The following NGEF variants were observed in gnomAD, a reference collection of about 807,000 sequenced individuals.
NGEF encodes ephexin-1.
Under a neutral mutation model 80.9 loss-of-function variants are expected in NGEF, and 31 were observed. The observed-to-expected ratio is 0.38, with a 90% CI of 0.29 to 0.52. The LOEUF is 0.52. NGEF is among the 20% of genes least tolerant of loss of function. The pLI, the probability that NGEF is intolerant of heterozygous loss-of-function variation, is 0.84. For synonymous variants in NGEF, 371 were observed against 370.2 expected (o/e 1.00, Z -0.03); for missense variants, 709 against 926.2 (o/e 0.77, Z 3.04).
intron 8 of NGEF, among the ~76,000 whole-genome samples, 195 bp downstream of exon 8, chr2:232,891,163 C>G (rs551120407): frequency 6.6e-5 from 10 of 152,368 alleles, no homozygotes; most frequent in Admixed American, 5.9e-4. Context: ...GTGCATGGTT[C>G]GGTCTCTCCC....
At chr2:232,983,348 T>G (rs1574653062) in intron 1 of NGEF, among the ~76,000 whole-genome samples, 1 of 150,444 alleles carries the variant, frequency 6.6e-6, no homozygotes, top group East Asian at 2.0e-4. Context: ...CCCCGAGCGG[T>G]GAGGGAAGGA....
chr2:232,954,874 G>C (rs973403803), intron 3 of NGEF, among the ~76,000 whole-genome samples: 5 of 152,088 alleles, frequency 3.3e-5, no homozygotes, highest in African/African-American at 1.2e-4. Flanking sequence ...AGTGTGGGTG[G>C]GGGAACAGCA....
At chr2:232,899,893 C>CACTT (rs1491432526) in intron 5 of NGEF, among the ~76,000 whole-genome samples, 48 of 138,708 alleles carry the variant, frequency 3.5e-4, no homozygotes, top group African/African-American at 1.2e-3. Flanking sequence ...CACTCACATT[C>CACTT]ACACACATGC....
At chr2:232,962,643 G>A (rs907797582) in intron 3 of NGEF, among the ~76,000 whole-genome samples, 1 of 151,772 alleles carries the variant, frequency 6.6e-6, no homozygotes, top group Non-Finnish European at 1.5e-5. Context: ...AAAAATGATT[G>A]AAAAATGAAA....
chr2:232,995,596 G>GTATGTATAC (rs1694818954), intron 1 of NGEF, among the ~76,000 whole-genome samples: 1 of 34,786 alleles, frequency 2.9e-5, no homozygotes, highest in Non-Finnish European at 6.9e-5. Context: ...TATGTATACT[G>GTATGTATAC]TATATATATA....
intron 1 of NGEF, among the ~76,000 whole-genome samples, chr2:232,977,133 C>T (rs529676382): frequency 3.9e-5 from 6 of 152,188 alleles, no homozygotes; most frequent in East Asian, 1.9e-4. Flanking sequence ...GCAATAAGAG[C>T]GAAACCGTTC....
In NGEF at chr2:232,932,165, T is replaced by TTC. The variant is rs201162734; in HGVS notation, c.384-4980_384-4979insGA. On this transcript the variant is annotated intron_variant, in intron 3 of 14. Transcript: ENST00000264051. ...GAGTTCTCTCCAGAATCACCTTTCT[T>TTC]TTTTTTTTTTTTTTTTTGAGACAGA... Among the ~76,000 whole-genome samples, 28 of 142,744 alleles carry TTC rather than the reference T, an allele frequency of 2.0e-4. No individual in the cohort carries two copies. The East Asian group carries it at 4.8e-3, about 25-fold the overall frequency. 93.6% of individuals were successfully genotyped at this position (142,744 alleles called of 152,430 possible).
chr2:232,976,116 G>T (rs1045225873), intron 1 of NGEF, among the ~76,000 whole-genome samples: 1 of 152,084 alleles, frequency 6.6e-6, no homozygotes, highest in Non-Finnish European at 1.5e-5. Flanking sequence ...CAGGAGAATC[G>T]CTTGAATCTG....
chr2:232,907,188 G>GAAAAAAAAAAAAAAAAA (rs10654316), intron 5 of NGEF, among the ~76,000 whole-genome samples: 17 of 113,086 alleles, frequency 1.5e-4, no homozygotes, highest in Non-Finnish European at 2.1e-4. Flanking sequence ...AGAAAAAAAA[G>GAAAAAAAAAAAAAAAAA]AAAAAAAAAA....
intron 1 of NGEF, among the ~76,000 whole-genome samples, chr2:232,994,346 G>A (rs1432273627): frequency 6.8e-6 from 1 of 146,864 alleles, no homozygotes; most frequent in Non-Finnish European, 1.5e-5. Flanking sequence ...CTTCAGCCTG[G>A]GTAACGGAGC....
intron 1 of NGEF, among the ~76,000 whole-genome samples, chr2:232,982,149 C>T (rs953292984): frequency 1.3e-5 from 2 of 152,122 alleles, no homozygotes; most frequent in African/African-American, 4.8e-5. Flanking sequence ...ATGGGCAGCC[C>T]CATGCCTGGA....
intron 10 of NGEF, 83 bp from the exon 11 acceptor site, chr2:232,884,227 T>G: frequency 8.1e-6 from 11 of 1,365,614 alleles, no homozygotes; most frequent in Non-Finnish European, 9.6e-6. Context: ...GTCTGTCACA[T>G]TCCCTGACAC....
chr2:232,968,164 C>G (rs1285926804), intron 3 of NGEF, among the ~76,000 whole-genome samples: 1 of 147,914 alleles, frequency 6.8e-6, no homozygotes, highest in Admixed American at 6.8e-5. Flanking sequence ...TCTCTGCTTA[C>G]CGCAATCTCT....
chr2:233,000,198 C>T lies in NGEF; in HGVS notation c.-75+12870G>A, dbSNP rs568166820. On this transcript the variant is annotated intron_variant, in intron 1 of 14. Coordinates refer to ENST00000264051, the MANE Select transcript of NGEF (RefSeq NM_019850.3). ...GCAACCTCCACCACCCGGACTCAAG[C>T]GATCTTCCCGCCTCAGTCTCCTGAG... Among the ~76,000 whole-genome samples, 314 of 152,260 alleles carry T rather than the reference C, an allele frequency of 2.1e-3. 2 individuals are homozygous for T. Among genetic ancestry groups the T allele is most frequent in the Middle Eastern group, 3.4e-3 (1 of 294 alleles).
chr2:232,938,702 C>T lies in NGEF; in HGVS notation c.384-11516G>A, dbSNP rs541363927. On this transcript the variant is annotated intron_variant, in intron 3 of 14. Transcript: ENST00000264051. Reference sequence around the variant, plus strand: ...GGAAAGATCCTTGAGCCCAGGAGTTCGAGAGCAACCTGGGCAACATAGTGA... The same window carrying T: ...GGAAAGATCCTTGAGCCCAGGAGTTTGAGAGCAACCTGGGCAACATAGTGA... Among the ~76,000 whole-genome samples, 29 of 126,376 alleles carry T rather than the reference C, an allele frequency of 2.3e-4. 1 individual carries two copies. In the Admixed American group the frequency reaches 2.7e-3, roughly 12 times the overall value. 82.9% of individuals were successfully genotyped at this position (126,376 alleles called of 152,430 possible). A position where few individuals can be genotyped will look rare whatever the true frequency, so the allele number is the denominator to read the frequency against.
At chr2:232,894,021 G>A (rs1356160752) in intron 6 of NGEF, among the ~76,000 whole-genome samples, 1 of 152,196 alleles carries the variant, frequency 6.6e-6, no homozygotes, top group African/African-American at 2.4e-5. Flanking sequence ...GCGGGGCTGC[G>A]CCGGGCCCCA....
At chr2:232,988,732 T>C (rs1355414324) in intron 1 of NGEF, among the ~76,000 whole-genome samples, 1 of 152,130 alleles carries the variant, frequency 6.6e-6, no homozygotes, top group Non-Finnish European at 1.5e-5. Flanking sequence ...GGGCAAGCAA[T>C]TGGAAGCAAC....
At position 232,982,761 on chromosome 2, in the gene NGEF, G is replaced by T. The variant is rs959588720; in HGVS notation, c.-74-7797C>A. Among the ~76,000 whole-genome samples, 5 of 152,190 alleles carry T rather than the reference G, an allele frequency of 3.3e-5. No homozygotes were observed. In the South Asian group the frequency reaches 1.0e-3, roughly 31 times the overall value. ...ACTCCTGACCTCAGGTGATCCGCCC[G>T]CCTCAGCCTCCCAAAGTGCTGGGAT... On this transcript the variant is annotated intron_variant, in intron 1 of 14. Coordinates refer to ENST00000264051, the MANE Select transcript of NGEF (RefSeq NM_019850.3).
intron 2 of NGEF, among the ~76,000 whole-genome samples, chr2:232,973,260 T>G (rs1003931702): frequency 1.3e-5 from 2 of 152,246 alleles, no homozygotes; most frequent in African/African-American, 4.8e-5. Flanking sequence ...GAATGTGCTT[T>G]TAACTTTTAG....
Sources: gnomAD v4.1 joint callset for allele counts (sites outside exome capture counted in the v4.1 genomes callset) on GRCh38, gnomAD v4.1.1 for gene constraint, MANE v1.5 for transcripts, NCBI Gene and HGNC (gene_info 2026-07-23, HGNC 2026-07-21) for gene names.